PDE1A: variants seen among roughly 807,000 people sequenced by gnomAD.
The protein encoded by PDE1A is dual specificity calcium/calmodulin-dependent 3',5'-cyclic nucleotide phosphodiesterase 1A.
PDE1A carries 35 observed loss-of-function variants against 61.7 expected under a neutral mutation model. The observed-to-expected ratio is 0.57, with a 90% CI of 0.43 to 0.75. PDE1A has a LOEUF of 0.75. Among genes scored for constraint, PDE1A ranks in the 30% least tolerant of loss-of-function variants. The pLI is 0.00. For synonymous variants in PDE1A, 232 were observed against 213.2 expected (o/e 1.09, Z -0.77); for missense variants, 597 against 630.6 (o/e 0.95, Z 0.57).
chr2:182,198,962 A>G (rs746715542), intron 10 of PDE1A, among the ~76,000 whole-genome samples: 13 of 152,008 alleles, frequency 8.6e-5, no homozygotes, highest in Admixed American at 5.2e-4. Flanking sequence ...AATAAGAATT[A>G]AAGTCATCTA....
the PDE1A span, among the ~76,000 whole-genome samples, chr2:182,615,234 T>TA: frequency 2.0e-5 from 3 of 152,216 alleles, no homozygotes; most frequent in East Asian, 1.9e-4. Context: ...AGGCTGCAGT[T>TA]CTGTTCAGAC....
Position 182,403,180 on chromosome 2 carries a change from C to A in PDE1A, c.53+23398G>T, listed in dbSNP as rs531075728. 3.0e-3 allele frequency among the ~76,000 whole-genome samples: 452 copies of A among 152,226 alleles called. 8 individuals carry two copies. Among genetic ancestry groups the A allele is most frequent in the African/African-American group, 0.01 (433 of 41,494 alleles). On this transcript the variant is annotated intron_variant, in intron 1 of 13. Transcript: ENST00000351439. ...CAGCAATCCCATTACTGGGTATATA[C>A]CCAAAGGACTATAAATCATTCTAGT...
the PDE1A span, among the ~76,000 whole-genome samples, chr2:182,687,743 G>A: frequency 6.6e-6 from 1 of 152,166 alleles, no homozygotes; most frequent in Non-Finnish European, 1.5e-5. Flanking sequence ...CAAGCTGAAG[G>A]AAGTTCGAAC....
chr2:182,154,896 CAT>C (rs1386237960), intron 13 of PDE1A, among the ~76,000 whole-genome samples: 1 of 151,958 alleles, frequency 6.6e-6, no homozygotes, highest in Non-Finnish European at 1.5e-5. Flanking sequence ...AATTTTATAA[CAT>C]AATACTACTA....
chr2:182,710,055 C>A, the PDE1A span, among the ~76,000 whole-genome samples: 4 of 152,130 alleles, frequency 2.6e-5, no homozygotes, highest in African/African-American at 4.8e-5. Context: ...CACCACCACG[C>A]CCAGTTAAGT....
chr2:182,212,533 C>G (rs374378839), intron 7 of PDE1A, among the ~76,000 whole-genome samples: 11 of 152,190 alleles, frequency 7.2e-5, no homozygotes, highest in African/African-American at 2.4e-4. Context: ...GAGTGCCAGA[C>G]AGTGGGCACA....
At chr2:182,177,902 C>T (rs887119031) in intron 13 of PDE1A, among the ~76,000 whole-genome samples, 4 of 152,078 alleles carry the variant, frequency 2.6e-5, no homozygotes, top group Non-Finnish European at 5.9e-5. Context: ...AAATAAGCTT[C>T]TAATCTTTCT....
At chr2:182,708,391 A>C in the PDE1A span, among the ~76,000 whole-genome samples, 1 of 152,168 alleles carries the variant, frequency 6.6e-6, no homozygotes, top group Non-Finnish European at 1.5e-5. Context: ...CTGCTAACTT[A>C]AGTAAGTGCT....
intron 1 of PDE1A, among the ~76,000 whole-genome samples, chr2:182,390,622 G>A (rs530844964): frequency 1.3e-5 from 2 of 152,308 alleles, no homozygotes; most frequent in Admixed American, 6.5e-5. Context: ...ACAAAGGGCT[G>A]ACATTGTGGA....
chr2:182,472,446 A>T (rs1007005785), intron 2 of PDE1A, among the ~76,000 whole-genome samples: 2 of 151,842 alleles, frequency 1.3e-5, no homozygotes, highest in African/African-American at 4.8e-5. Flanking sequence ...TCCTAAGTGA[A>T]ACAACTCAAA....
chr2:182,632,863 G>T, the PDE1A span, among the ~76,000 whole-genome samples: 2 of 152,128 alleles, frequency 1.3e-5, no homozygotes, highest in Non-Finnish European at 2.9e-5. Flanking sequence ...TGGCAATGCT[G>T]CTTTGTTTCT....
chr2:182,372,286 T>C (rs1700164005), intron 1 of PDE1A, among the ~76,000 whole-genome samples: 1 of 152,186 alleles, frequency 6.6e-6, no homozygotes, highest in Non-Finnish European at 1.5e-5. Context: ...TGACATTACA[T>C]AGGGGAGAAG....
the PDE1A span, among the ~76,000 whole-genome samples, chr2:182,700,467 T>C: frequency 3.3e-5 from 5 of 151,858 alleles, no homozygotes; most frequent in African/African-American, 1.2e-4. Flanking sequence ...TTCACGCATG[T>C]AATCCCAGCA....
upstream of PDE1A, among the ~76,000 whole-genome samples, chr2:182,527,958 T>C (rs575601931): frequency 6.6e-6 from 1 of 152,202 alleles, no homozygotes; most frequent in Non-Finnish European, 1.5e-5. Context: ...GAACTGTGAG[T>C]CCATTAAACC....
At chr2:182,566,152 A>C in the PDE1A span, among the ~76,000 whole-genome samples, 2 of 151,880 alleles carry the variant, frequency 1.3e-5, no homozygotes, top group Non-Finnish European at 2.9e-5. Flanking sequence ...TAGGCCATTA[A>C]TTCTCTCTCA....
At chr2:182,167,461 G>A (rs1177596439), downstream of PDE1A, among the ~76,000 whole-genome samples, 1 of 152,078 alleles carries the variant, frequency 6.6e-6, no homozygotes, top group African/African-American at 2.4e-5. Flanking sequence ...AAATGAACAT[G>A]GGATGTACAT....
chr2:182,256,741 T>C (rs1559260867), intron 2 of PDE1A, among the ~76,000 whole-genome samples: 1 of 152,212 alleles, frequency 6.6e-6, no homozygotes, highest in African/African-American at 2.4e-5. Context: ...CTTGTCATGC[T>C]AAATACGTTT....
At chr2:182,627,297 T>A in the PDE1A span, among the ~76,000 whole-genome samples, 1 of 94,716 alleles carries the variant, frequency 1.1e-5, no homozygotes, top group Admixed American at 1.9e-4. Context: ...AAATATATAT[T>A]ATATATAAAT....
chr2:182,654,049 T>G, the PDE1A span, among the ~76,000 whole-genome samples: 4 of 152,124 alleles, frequency 2.6e-5, no homozygotes, highest in Admixed American at 2.0e-4. Flanking sequence ...ACTATAAGAG[T>G]GTTAATAATA....
Sources: gnomAD v4.1 joint callset for allele counts (sites outside exome capture counted in the v4.1 genomes callset) on GRCh38, gnomAD v4.1.1 for gene constraint, MANE v1.5 for transcripts, NCBI Gene and HGNC (gene_info 2026-07-23, HGNC 2026-07-21) for gene names.